Variants in PALLD observed in about 807,000 individuals in gnomAD.
The protein encoded by PALLD is palladin, cytoskeletal associated protein.
Under a neutral mutation model 123.5 loss-of-function variants are expected in PALLD, and 61 were observed. The ratio of observed to expected loss-of-function variants is 0.49; its 90% CI spans 0.40 to 0.61. PALLD has a LOEUF of 0.61. PALLD is among the 20% of genes least tolerant of loss of function. The pLI is 0.00. For missense variants in PALLD, 1,273 were observed against 1,377.0 expected, an observed-to-expected ratio of 0.92 and a Z score of 1.20; for synonymous variants, 465 against 496.4, an observed-to-expected ratio of 0.94 and a Z score of 0.84.
At chr4:168,616,149 T>A (rs1198087071) in intron 2 of PALLD, among the ~76,000 whole-genome samples, 2 of 152,174 alleles carry the variant, frequency 1.3e-5, no homozygotes, top group East Asian at 1.9e-4. Flanking sequence ...ATCAGAGCTA[T>A]CCTGCCTTCA....
chr4:168,910,167 G>GA lies in PALLD; in HGVS notation c.2623-3756dup, dbSNP rs551034971. ...TCTAAGCAGTAGCAGCAAAAACCCT[G>GA]AAAACAGTGTAGAAATGTGTGACCT... On this transcript the variant is annotated intron_variant, in intron 15 of 21. Transcript: ENST00000505667. Among the ~76,000 whole-genome samples the GA allele has an allele frequency of 2.6e-3, 398 of 150,916 alleles. 2 individuals carry two copies. The highest frequency in any genetic ancestry group is 9.1e-3 in the African/African-American group (372 of 41,056).
chr4:168,673,101 A>C (rs1412705775), intron 3 of PALLD, among the ~76,000 whole-genome samples: 1 of 152,204 alleles, frequency 6.6e-6, no homozygotes, highest in Non-Finnish European at 1.5e-5. Flanking sequence ...GGTCATTCTC[A>C]AGAATACAGT....
intron 15 of PALLD, among the ~76,000 whole-genome samples, chr4:168,905,627 G>C (rs1251677680): frequency 6.6e-6 from 1 of 151,952 alleles, no homozygotes; most frequent in African/African-American, 2.4e-5. Context: ...TTAATGAAAA[G>C]CTTCTATATT....
At chr4:168,556,130 C>G (rs894990510) in intron 2 of PALLD, among the ~76,000 whole-genome samples, 6 of 151,626 alleles carry the variant, frequency 4.0e-5, no homozygotes, top group African/African-American at 1.5e-4. Flanking sequence ...GAGTCTCACT[C>G]TGTCGCCCAG....
At chr4:168,769,347 G>A (rs764651158) in intron 10 of PALLD, among the ~76,000 whole-genome samples, 4 of 152,260 alleles carry the variant, frequency 2.6e-5, no homozygotes, top group African/African-American at 4.8e-5. Flanking sequence ...ATAAGGTCTC[G>A]TCTTTAGAGA....
chr4:168,825,506 G>C (rs116697599), intron 10 of PALLD, among the ~76,000 whole-genome samples: 2,423 of 152,286 alleles, frequency 0.016, 64 homozygotes, highest in African/African-American at 0.056. Flanking sequence ...TTCGTGTATT[G>C]ATCCAGAAGA....
intron 2 of PALLD, among the ~76,000 whole-genome samples, chr4:168,554,042 C>A (rs1767018695): frequency 1.3e-5 from 2 of 152,190 alleles, no homozygotes; most frequent in African/African-American, 4.8e-5. Flanking sequence ...CTGTCCAGCC[C>A]CCACTGAGGC....
intron 10 of PALLD, among the ~76,000 whole-genome samples, chr4:168,718,752 C>T (rs879371150): frequency 2.0e-5 from 3 of 152,088 alleles, no homozygotes; most frequent in Non-Finnish European, 4.4e-5. Context: ...CAAGTGCCTA[C>T]CCACCACATA....
intron 12 of PALLD, among the ~76,000 whole-genome samples, chr4:168,895,822 T>G (rs1022437150): frequency 2.0e-5 from 3 of 152,244 alleles, no homozygotes; most frequent in African/African-American, 7.2e-5. Flanking sequence ...TATTATCTCT[T>G]TATCTTCTTT....
intron 14 of PALLD, among the ~76,000 whole-genome samples, chr4:168,900,952 A>C (rs897807662): frequency 6.6e-6 from 1 of 152,236 alleles, no homozygotes; most frequent in African/African-American, 2.4e-5. Flanking sequence ...TCAAATTCTA[A>C]GATTATTGAT....
At chr4:168,805,318 C>T (rs952093063) in intron 10 of PALLD, among the ~76,000 whole-genome samples, 2 of 152,120 alleles carry the variant, frequency 1.3e-5, no homozygotes, top group African/African-American at 4.8e-5. Flanking sequence ...AGTAACCATT[C>T]TCTTAAAGAA....
chr4:168,596,208 A>T (rs764973364), intron 2 of PALLD, among the ~76,000 whole-genome samples: 1 of 152,120 alleles, frequency 6.6e-6, no homozygotes, highest in Non-Finnish European at 1.5e-5. Flanking sequence ...TACCTGCAAG[A>T]AGCCCATGGT....
At chr4:168,590,050 C>T (rs61518258) in intron 2 of PALLD, among the ~76,000 whole-genome samples, 15,051 of 152,250 alleles carry the variant, frequency 0.099, 808 homozygotes, top group Admixed American at 0.13. Flanking sequence ...AAGTCTTAAC[C>T]ACTCAGGCTG....
At chr4:168,849,827 G>C (rs1184150274) in intron 10 of PALLD, among the ~76,000 whole-genome samples, 4 of 151,412 alleles carry the variant, frequency 2.6e-5, no homozygotes, top group African/African-American at 7.3e-5. Context: ...GTGGCTGGCT[G>C]CATCAGGGGG....
At chr4:168,811,772 TCTCTCACACA>T (rs1452245311) in intron 10 of PALLD, among the ~76,000 whole-genome samples, 3 of 98,296 alleles carry the variant, frequency 3.1e-5, no homozygotes, top group African/African-American at 6.6e-5. Context: ...TCTCTCTCTC[TCTCTCACACA>T]CACACACACA....
chr4:168,551,586 C>A (rs1401589440), intron 2 of PALLD, among the ~76,000 whole-genome samples: 3 of 151,780 alleles, frequency 2.0e-5, no homozygotes, highest in Non-Finnish European at 4.4e-5. Flanking sequence ...AAAAACAAAC[C>A]TGGGGGTACA....
intron 1 of PALLD, chr4:168,505,972 C>G (rs574353436): frequency 6.6e-6 from 1 of 152,298 alleles, no homozygotes; most frequent in Non-Finnish European, 1.5e-5. Flanking sequence ...AAGACAATCT[C>G]TACATTCAAA....
chr4:168,551,816 T>C (rs1239411668), intron 2 of PALLD, among the ~76,000 whole-genome samples: 1 of 152,146 alleles, frequency 6.6e-6, no homozygotes, highest in Non-Finnish European at 1.5e-5. Flanking sequence ...TAAACACTCG[T>C]GTTGGCTTAT....
At chr4:168,519,331 T>G (rs1763301624) in intron 2 of PALLD, among the ~76,000 whole-genome samples, 1 of 152,248 alleles carries the variant, frequency 6.6e-6, no homozygotes, top group Non-Finnish European at 1.5e-5. Context: ...CATGTTAATC[T>G]ACTATCCTCA....
Sources: allele counts gnomAD v4.1 joint callset (sites outside exome capture counted in the v4.1 genomes callset), GRCh38; gene constraint gnomAD v4.1.1; transcripts MANE v1.5; gene names NCBI Gene and HGNC (gene_info 2026-07-23, HGNC 2026-07-21).